The following ARL15 variants were observed in gnomAD, a reference collection of about 807,000 sequenced individuals.
ARL15 encodes the protein ADP-ribosylation factor-like protein 15.
ARL15 carries 19 observed loss-of-function variants against 25.2 expected under a neutral mutation model. The ratio of observed to expected loss-of-function variants is 0.75; its 90% CI spans 0.53 to 1.10. ARL15 has a LOEUF of 1.10. Ranked by LOEUF, ARL15 falls within the 50% of genes least tolerant of loss-of-function variation. ARL15 has a pLI of 0.00. For synonymous variants in ARL15, 94 were observed against 86.8 expected (o/e 1.08, Z -0.46); for missense variants, 220 against 246.0 (o/e 0.89, Z 0.71).
At chr5:54,123,321 GGAT>G (rs1753147391) in intron 3 of ARL15, among the ~76,000 whole-genome samples, 1 of 152,114 alleles carries the variant, frequency 6.6e-6, no homozygotes, top group Admixed American at 6.5e-5. Context: ...ATGTTGGCCA[GGAT>G]GGTTTCGATC....
At chr5:54,010,860 T>G (rs12186509) in intron 4 of ARL15, among the ~76,000 whole-genome samples, 42,541 of 151,678 alleles carry the variant, frequency 0.28, 6,177 homozygotes, top group East Asian at 0.45. Context: ...TTAGCGGGGC[T>G]TGGTGGTGGG....
At chr5:54,023,031 C>T (rs1446893457) in intron 4 of ARL15, among the ~76,000 whole-genome samples, 3 of 151,974 alleles carry the variant, frequency 2.0e-5, no homozygotes, top group Non-Finnish European at 2.9e-5. Flanking sequence ...TGGATAGGCT[C>T]GACAGCAGGA....
chr5:54,007,579 G>A (rs529544005), intron 4 of ARL15, among the ~76,000 whole-genome samples: 8 of 152,236 alleles, frequency 5.3e-5, no homozygotes, highest in African/African-American at 1.9e-4. Flanking sequence ...GGCCCAGGTG[G>A]GTGGACTACA....
chr5:54,303,882 C>T (rs534683124), intron 1 of ARL15, among the ~76,000 whole-genome samples: 56 of 152,144 alleles, frequency 3.7e-4, no homozygotes, highest in African/African-American at 1.3e-3. Context: ...ATGTGGTCAC[C>T]TGGTGGAACA....
chr5:53,975,477 A>C (rs1358561037), intron 4 of ARL15, among the ~76,000 whole-genome samples: 1 of 152,176 alleles, frequency 6.6e-6, no homozygotes, highest in African/African-American at 2.4e-5. Flanking sequence ...GGGCACCCTA[A>C]ATCCTTGGTT....
intron 4 of ARL15, among the ~76,000 whole-genome samples, chr5:54,044,807 C>T (rs1461135619): frequency 6.6e-6 from 1 of 152,186 alleles, no homozygotes; most frequent in Non-Finnish European, 1.5e-5. Context: ...GATGATATCA[C>T]ATAACAAAAC....
intron 4 of ARL15, among the ~76,000 whole-genome samples, chr5:53,900,561 T>G (rs1312961683): frequency 6.6e-6 from 1 of 151,816 alleles, no homozygotes; most frequent in Non-Finnish European, 1.5e-5. Context: ...TGAAAAAAAA[T>G]TGTATTATCT....
chr5:54,240,811 T>C (rs1756938862), intron 1 of ARL15, among the ~76,000 whole-genome samples: 1 of 152,146 alleles, frequency 6.6e-6, no homozygotes, highest in South Asian at 2.1e-4. Flanking sequence ...ATCCAAAATT[T>C]TGTGAGCGTC....
intron 4 of ARL15, among the ~76,000 whole-genome samples, chr5:53,955,811 C>A (rs970333343): frequency 6.6e-6 from 1 of 152,106 alleles, no homozygotes. Context: ...CACAGTGTAC[C>A]TTATTTACAA....
chr5:54,193,740 T>TTTTTTG (rs70986665), intron 1 of ARL15, among the ~76,000 whole-genome samples: 1 of 145,484 alleles, frequency 6.9e-6, no homozygotes. Context: ...TTTTTTTTTT[T>TTTTTTG]CCAGAACTGT....
intron 4 of ARL15, among the ~76,000 whole-genome samples, chr5:53,927,288 T>G (rs1249189099): frequency 1.3e-5 from 2 of 152,204 alleles, no homozygotes; most frequent in Non-Finnish European, 2.9e-5. Flanking sequence ...CTATATTGCA[T>G]GTCTGTCCAT....
At chr5:54,173,340 C>T (rs1166570685) in intron 1 of ARL15, among the ~76,000 whole-genome samples, 1 of 151,832 alleles carries the variant, frequency 6.6e-6, no homozygotes, top group Non-Finnish European at 1.5e-5. Context: ...ACATTTAGAC[C>T]CTGAATGATT....
intron 3 of ARL15, among the ~76,000 whole-genome samples, chr5:54,145,969 C>T (rs1032404879): frequency 1.3e-5 from 2 of 152,116 alleles, no homozygotes; most frequent in Non-Finnish European, 1.5e-5. Flanking sequence ...TGTCCCTTTT[C>T]GTAGACTCTT....
intron 4 of ARL15, among the ~76,000 whole-genome samples, chr5:54,053,175 C>T (rs1415512068): frequency 1.3e-5 from 2 of 151,964 alleles, no homozygotes; most frequent in Admixed American, 6.6e-5. Flanking sequence ...CCCTGGGGCC[C>T]GGGAGGATCC....
chr5:54,193,607 TC>T (rs1324251564), intron 1 of ARL15, among the ~76,000 whole-genome samples: 5 of 152,082 alleles, frequency 3.3e-5, no homozygotes, highest in Admixed American at 6.6e-5. Flanking sequence ...TCACCCTGAA[TC>T]CATCCCCTCC....
At position 54,129,428 on chromosome 5, in the gene ARL15, G is replaced by C. The variant is rs145361446; in HGVS notation, c.254-16018C>G. Reference sequence around the variant, plus strand: ...TTATGTGGGTGATGGAAGAGAGAGAGAATCTGCCAGAAACAGGCACAGAGA... The same window carrying C: ...TTATGTGGGTGATGGAAGAGAGAGACAATCTGCCAGAAACAGGCACAGAGA... On this transcript the variant is annotated intron_variant, in intron 3 of 4. Transcript: ENST00000504924. 2.6e-3 allele frequency among the ~76,000 whole-genome samples: 390 copies of C among 152,260 alleles called. 1 individual carries two copies. Among genetic ancestry groups the C allele is most frequent in the African/African-American group, 8.4e-3 (348 of 41,554 alleles).
chr5:54,310,272 T>G, intron 1 of ARL15, 160 bp downstream of exon 1: 1 of 769,910 alleles, frequency 1.3e-6, no homozygotes, highest in Non-Finnish European at 2.0e-6. Flanking sequence ...AGGCTGCCCC[T>G]CCGAGTCCAG....
intron 4 of ARL15, among the ~76,000 whole-genome samples, chr5:54,019,163 G>A (rs1166099427): frequency 6.7e-6 from 1 of 149,508 alleles, no homozygotes; most frequent in Non-Finnish European, 1.5e-5. Flanking sequence ...AAGATAAACA[G>A]GTTTTTTTTT....
At chr5:53,913,943 A>G (rs1745546044) in intron 4 of ARL15, among the ~76,000 whole-genome samples, 1 of 152,310 alleles carries the variant, frequency 6.6e-6, no homozygotes, top group South Asian at 2.1e-4. Context: ...ATGTGTGTGT[A>G]TATTTATTTA....
Sources: gnomAD v4.1 joint callset for allele counts (sites outside exome capture counted in the v4.1 genomes callset) on GRCh38, gnomAD v4.1.1 for gene constraint, MANE v1.5 for transcripts, NCBI Gene and HGNC (gene_info 2026-07-23, HGNC 2026-07-21) for gene names.